The following PCDH15 variants were observed in gnomAD, a reference collection of about 807,000 sequenced individuals.
The protein encoded by PCDH15 is protocadherin related 15, also known as protocadherin-15.
PCDH15 carries 129 observed loss-of-function variants against 178.5 expected under a neutral mutation model. The observed-to-expected ratio is 0.72, with a 90% confidence interval of 0.63 to 0.84. The LOEUF (loss-of-function observed/expected upper bound fraction) is 0.84. PCDH15 is among the 40% of genes least tolerant of loss of function. PCDH15 has a pLI of 0.00. For missense variants in PCDH15, 2,230 were observed against 2,099.9 expected, an observed-to-expected ratio of 1.06 and a Z score of -1.21; for synonymous variants, 800 against 732.0, an observed-to-expected ratio of 1.09 and a Z score of -1.50.
intron 4 of PCDH15, among the ~76,000 whole-genome samples, chr10:54,378,034 C>T (rs140777867): frequency 7.6e-4 from 115 of 152,090 alleles, no homozygotes; most frequent in Non-Finnish European, 1.1e-3. Flanking sequence ...AAGGGATCCT[C>T]CCACCACAGT....
intron 2 of PCDH15, among the ~76,000 whole-genome samples, chr10:55,369,034 C>A (rs1284532665): frequency 8.3e-4 from 71 of 85,648 alleles, no homozygotes; most frequent in South Asian, 3.1e-3. Context: ...AAAAAAAAAA[C>A]CCCAGCAAGA....
At chr10:55,427,031 G>A (rs1362622525) in intron 2 of PCDH15, among the ~76,000 whole-genome samples, 1 of 151,970 alleles carries the variant, frequency 6.6e-6, no homozygotes, top group African/African-American at 2.4e-5. Flanking sequence ...ATTCAAACAG[G>A]AAAACAGGGA....
chr10:55,146,997 C>T (rs191897891), intron 2 of PCDH15, among the ~76,000 whole-genome samples: 109 of 151,566 alleles, frequency 7.2e-4, no homozygotes, highest in African/African-American at 2.5e-3. Context: ...TATTTTATTA[C>T]TTTAAAATTT....
chr10:54,540,749 A>G (rs1305361142), intron 2 of PCDH15, among the ~76,000 whole-genome samples: 1 of 152,156 alleles, frequency 6.6e-6, no homozygotes, highest in African/African-American at 2.4e-5. Flanking sequence ...CATAGATGCA[A>G]AAATCTTCAA....
At chr10:54,343,760 C>T (rs1031653370) in intron 6 of PCDH15, among the ~76,000 whole-genome samples, 13 of 150,890 alleles carry the variant, frequency 8.6e-5, no homozygotes, top group Non-Finnish European at 1.3e-4. Context: ...CAAACCCGCA[C>T]GTTGTGCACA....
At chr10:54,149,937 G>A (rs372151538) in intron 14 of PCDH15, among the ~76,000 whole-genome samples, 1 of 152,066 alleles carries the variant, frequency 6.6e-6, no homozygotes, top group South Asian at 2.1e-4. Context: ...GTGGAGTTGG[G>A]GAGGAAGAGG....
intron 2 of PCDH15, among the ~76,000 whole-genome samples, chr10:54,999,307 T>A (rs112855722): frequency 0.025 from 311 of 12,506 alleles, 1 homozygote; most frequent in African/African-American, 0.064. Context: ...ATAAAGAAAA[T>A]TTTTTTTTTA....
intron 3 of PCDH15, among the ~76,000 whole-genome samples, chr10:54,863,963 C>A (rs975930671): frequency 6.6e-6 from 1 of 152,120 alleles, no homozygotes; most frequent in Non-Finnish European, 1.5e-5. Flanking sequence ...AATAACTGAT[C>A]ATATTTAAAG....
intron 2 of PCDH15, among the ~76,000 whole-genome samples, chr10:55,473,024 AC>A (rs1483842065): frequency 6.6e-6 from 1 of 152,216 alleles, no homozygotes; most frequent in Non-Finnish European, 1.5e-5. Flanking sequence ...TGATCTTACA[AC>A]ATTAGAGTGG....
chr10:55,038,618 T>C (rs1268309286), intron 2 of PCDH15, among the ~76,000 whole-genome samples: 1 of 152,220 alleles, frequency 6.6e-6, no homozygotes, highest in Non-Finnish European at 1.5e-5. Context: ...AAACCCTTAA[T>C]AACCATTTGA....
intron 1 of PCDH15, among the ~76,000 whole-genome samples, chr10:55,217,288 T>A (rs1326017420): frequency 6.6e-6 from 1 of 151,970 alleles, no homozygotes; most frequent in East Asian, 1.9e-4. Flanking sequence ...GGAAAATATT[T>A]TCATAAAATG....
intron 1 of PCDH15, among the ~76,000 whole-genome samples, chr10:54,665,598 GT>G (rs1340020051): frequency 3.9e-5 from 6 of 151,946 alleles, no homozygotes. Flanking sequence ...ATATTGCATT[GT>G]AAAATTGTAT....
intron 1 of PCDH15, among the ~76,000 whole-genome samples, chr10:55,236,589 G>T (rs1418373462): frequency 2.6e-5 from 4 of 152,052 alleles, no homozygotes; most frequent in African/African-American, 9.6e-5. Context: ...ATCATAAAAA[G>T]AAATGAAATT....
chr10:54,048,885 T>G (rs1265607253), intron 18 of PCDH15, among the ~76,000 whole-genome samples: 11 of 152,090 alleles, frequency 7.2e-5, no homozygotes, highest in Non-Finnish European at 1.5e-4. Flanking sequence ...AGAACAGTTT[T>G]TTTTTTTTCT....
intron 15 of PCDH15, among the ~76,000 whole-genome samples, chr10:54,123,101 T>C (rs941886645): frequency 1.3e-5 from 2 of 152,158 alleles, no homozygotes; most frequent in African/African-American, 4.8e-5. Flanking sequence ...ATTCTGGACA[T>C]CACCTTTGGC....
intron 2 of PCDH15, among the ~76,000 whole-genome samples, chr10:54,646,531 C>T (rs112254993): frequency 6.6e-6 from 1 of 151,946 alleles, no homozygotes; most frequent in East Asian, 1.9e-4. Flanking sequence ...TTCCAGGGGG[C>T]GGGGCCCACA....
chr10:54,703,082 G>A (rs1253837695), intron 1 of PCDH15, among the ~76,000 whole-genome samples: 1 of 151,982 alleles, frequency 6.6e-6, no homozygotes, highest in Non-Finnish European at 1.5e-5. Context: ...CATATGCAAA[G>A]TTAGTAAATA....
At chr10:53,937,111 A>G (rs1421624989) in intron 25 of PCDH15, among the ~76,000 whole-genome samples, 4 of 152,162 alleles carry the variant, frequency 2.6e-5, no homozygotes, top group African/African-American at 7.2e-5. Context: ...CTCTACATGC[A>G]TACTGGGGCA....
chr10:55,583,811 A>G (rs11004920), intron 2 of PCDH15, among the ~76,000 whole-genome samples: 51,987 of 152,114 alleles, frequency 0.34, 9,164 homozygotes, highest in East Asian at 0.49. Context: ...TTTATAAAAC[A>G]TATAATATAA....
Sources: gnomAD v4.1 joint callset for allele counts (sites outside exome capture counted in the v4.1 genomes callset) on GRCh38, gnomAD v4.1.1 for gene constraint, MANE v1.5 for transcripts, NCBI Gene and HGNC (gene_info 2026-07-23, HGNC 2026-07-21) for gene names.